Variants in CREG2 observed in about 807,000 individuals in gnomAD.
CREG2 encodes the protein cellular repressor of E1A stimulated genes 2.
Under a neutral mutation model 26.2 loss-of-function variants are expected in CREG2, and 24 were observed. That is an observed-to-expected ratio of 0.92 (90% CI 0.66 to 1.29). The LOEUF (loss-of-function observed/expected upper bound fraction) is 1.29, where lower values mean the gene tolerates loss of function less well. Ranked by LOEUF, CREG2 falls within the 50% of genes most tolerant of loss-of-function variation. The pLI is 0.00. For synonymous variants in CREG2, 174 were observed against 169.2 expected, an observed-to-expected ratio of 1.03 and a Z score of -0.22; for missense variants, 366 against 398.6, an observed-to-expected ratio of 0.92 and a Z score of 0.70.
rs150147019 is a variant in CREG2, at chr2:101,365,902, C to A, written c.612-10536G>T. 8.7e-4 allele frequency among the ~76,000 whole-genome samples: 132 copies of A among 152,304 alleles called. 2 individuals carry two copies. Among genetic ancestry groups the A allele is most frequent in the African/African-American group, 3.1e-3 (130 of 41,554 alleles). ...AGAGTTCAGATAAAACCCCGCCCTA[C>A]CAGTAGACCCTTTTGGTCATTCACC... On this transcript the variant is annotated intron_variant, in intron 2 of 3. Coordinates refer to ENST00000324768, the MANE Select transcript of CREG2 (RefSeq NM_153836.4).
chr2:101,369,162 TG>T (rs1323098117), intron 2 of CREG2, among the ~76,000 whole-genome samples: 3 of 152,218 alleles, frequency 2.0e-5, no homozygotes, highest in Non-Finnish European at 2.9e-5. Flanking sequence ...AATATCCCTC[TG>T]GCTTTAGAAT....
In CREG2 at chr2:101,370,236, T is replaced by C. The variant is rs138687521; in HGVS notation, c.611+13297A>G. On this transcript the variant is annotated intron_variant, in intron 2 of 3. Coordinates refer to ENST00000324768, the MANE Select transcript of CREG2 (RefSeq NM_153836.4). ...TCTATAACTCTTCATGTATACCATA[T>C]ACTGTTCCTCCCTTTATACATAGGA... 3.0e-3 allele frequency among the ~76,000 whole-genome samples: 455 copies of C among 152,326 alleles called. 7 individuals carry two copies. Among genetic ancestry groups the C allele is most frequent in the Non-Finnish European group, 7.3e-4 (50 of 68,034 alleles).
chr2:101,360,191 A>G (rs1413000937), intron 2 of CREG2, among the ~76,000 whole-genome samples: 2 of 152,154 alleles, frequency 1.3e-5, no homozygotes, highest in Non-Finnish European at 2.9e-5. Flanking sequence ...AAAGTCTCAC[A>G]AAGATATAAC....
chr2:101,366,771 G>A (rs1410776865), intron 2 of CREG2, among the ~76,000 whole-genome samples: 1 of 152,096 alleles, frequency 6.6e-6, no homozygotes, highest in East Asian at 1.9e-4. Context: ...GCAGTGAGCC[G>A]AGATCGCGCC....
At chr2:101,379,036 A>G (rs1312616465) in intron 2 of CREG2, among the ~76,000 whole-genome samples, 2 of 151,968 alleles carry the variant, frequency 1.3e-5, no homozygotes, top group African/African-American at 4.8e-5. Context: ...AAAAGGAGAG[A>G]TCACCAACCT....
At chr2:101,374,152 G>T (rs1473268367) in intron 2 of CREG2, among the ~76,000 whole-genome samples, 1 of 152,230 alleles carries the variant, frequency 6.6e-6, no homozygotes, top group Non-Finnish European at 1.5e-5. Context: ...CGAGGTGGGT[G>T]GATCACTTGA....
Position 101,387,284 on chromosome 2 carries a change from A to G in CREG2, c.174T>C (p.Ala58=). ...EELDSASTEE[A]MPALLEDSGS... Reference sequence around the variant, plus strand: ...CCGAATCCTCTAGCAGCGCGGGCATAGCCTCCTCAGTGGAGGCGCTGTCCA... The same window carrying G: ...CCGAATCCTCTAGCAGCGCGGGCATGGCCTCCTCAGTGGAGGCGCTGTCCA... Residue 58 remains alanine (A), a synonymous_variant, in exon 1 of 4, where the codon GCT becomes GCC. Transcript: ENST00000324768. The surrounding 1 kb of genome is among the most constrained non-coding windows in gnomAD (Gnocchi z 4.7). 3 of 1,483,754 alleles carry G rather than the reference A, an allele frequency of 2.0e-6. No individual in the cohort carries two copies. Among genetic ancestry groups the G allele is most frequent in the South Asian group, 1.3e-5 (1 of 77,196 alleles). 91.9% of individuals were successfully genotyped at this position (1,483,754 alleles called of 1,614,324 possible).
Position 101,377,594 on chromosome 2 carries a change from G to A in CREG2, c.611+5939C>T, listed in dbSNP as rs183229899. ...AAATTCATTTGGTCAAGGGGCATGC[G>A]TCCATGCTTATGCCATGGAGGGAGA... is the stretch of plus-strand genomic sequence containing the variant. On this transcript the variant is annotated intron_variant, in intron 2 of 3. Coordinates refer to ENST00000324768, the MANE Select transcript of CREG2 (RefSeq NM_153836.4). 1.6e-4 allele frequency among the ~76,000 whole-genome samples: 25 copies of A among 152,290 alleles called. 1 individual carries two copies. The highest frequency in any genetic ancestry group is 4.1e-4 in the South Asian group (2 of 4,828).
chr2:101,364,829 G>C (rs1684596887), intron 2 of CREG2, among the ~76,000 whole-genome samples: 2 of 152,130 alleles, frequency 1.3e-5, no homozygotes, highest in Admixed American at 1.3e-4. Flanking sequence ...GGTGTAGGTG[G>C]TCTCAGGGCA....
intron 3 of CREG2, among the ~76,000 whole-genome samples, chr2:101,353,581 A>G (rs1294005542): frequency 6.6e-6 from 1 of 152,256 alleles, no homozygotes; most frequent in Non-Finnish European, 1.5e-5. Context: ...CTAGAACCAG[A>G]AATATCATTT....
In CREG2 at chr2:101,350,680, T is replaced by C; in HGVS notation, c.*243A>G. The C allele has an allele frequency of 4.4e-6, 2 of 459,170 alleles. No homozygotes were observed. Among genetic ancestry groups the C allele is most frequent in the South Asian group, 7.8e-5 (2 of 25,784 alleles). 28.4% of individuals were successfully genotyped at this position (459,170 alleles called of 1,614,324 possible). A position where few individuals can be genotyped will look rare whatever the true frequency, so the allele number is the denominator to read the frequency against. ...TGATTTCTGAATCGATGAGTCTGGA[T>C]TGAATACAATGGAATAAAGACTATC... On this transcript the variant is annotated 3_prime_UTR_variant, in exon 4 of 4. Coordinates refer to ENST00000324768, the MANE Select transcript of CREG2 (RefSeq NM_153836.4).
rs1034865892 is a variant in CREG2, at chr2:101,350,685, T to C, written c.*238A>G. 1.7e-5 allele frequency: 8 copies of C among 480,196 alleles called. No individual in the cohort carries two copies. Among genetic ancestry groups the C allele is most frequent in the African/African-American group, 1.4e-4 (7 of 51,724 alleles). 29.7% of individuals were successfully genotyped at this position (480,196 alleles called of 1,614,324 possible). On this transcript the variant is annotated 3_prime_UTR_variant, in exon 4 of 4. Transcript: ENST00000324768. ...TCTGAATCGATGAGTCTGGATTGAA[T>C]ACAATGGAATAAAGACTATCTACGT...
intron 1 of CREG2, 66 bp downstream of exon 1, chr2:101,386,951 C>G (rs1006053784): frequency 1.1e-4 from 141 of 1,226,582 alleles, no homozygotes; most frequent in Non-Finnish European, 1.4e-4. Context: ...CGAGCACGTC[C>G]CTGTCCCCGT....
chr2:101,376,262 G>T (rs1029564832), intron 2 of CREG2, among the ~76,000 whole-genome samples: 1 of 137,442 alleles, frequency 7.3e-6, no homozygotes, highest in Non-Finnish European at 1.5e-5. Context: ...GTTATTTTCC[G>T]AATTTAATTT....
intron 2 of CREG2, among the ~76,000 whole-genome samples, chr2:101,373,705 G>A (rs555137379): frequency 1.3e-5 from 2 of 152,098 alleles, no homozygotes; most frequent in South Asian, 2.1e-4. Context: ...CAGAGACAAA[G>A]CTCAACAGAG....
At chr2:101,380,194 G>A (rs1231873396) in intron 2 of CREG2, among the ~76,000 whole-genome samples, 1 of 152,110 alleles carries the variant, frequency 6.6e-6, no homozygotes, top group African/African-American at 2.4e-5. Flanking sequence ...GGCACCAAAG[G>A]GAGCTCTGAA....
At position 101,355,306 on chromosome 2, in the gene CREG2, C is replaced by T. The variant is rs1684439445; in HGVS notation, c.672G>A (p.Met224Ile). ...CTACTTCTTCTGGAGACACTGCGAT[C>T]ATCTGGCCAGTGAGCGTTAACTGGA... ...RCVQLTLTGQ[M>I]IAVSPEEVEF... Residue 224 changes from methionine to isoleucine, a missense_variant, in exon 3 of 4, where the codon ATG becomes ATA. Physicochemically the swap from Met to Ile is conservative, Grantham distance 10 (BLOSUM62 1). Coordinates refer to ENST00000324768, the MANE Select transcript of CREG2 (RefSeq NM_153836.4). 4 of 1,614,102 alleles carry T rather than the reference C, an allele frequency of 2.5e-6. No individual in the cohort carries two copies. The highest frequency in any genetic ancestry group is 1.7e-5 in the Admixed American group (1 of 60,018).
At chr2:101,382,399 C>G (rs1418187265) in intron 2 of CREG2, 1 of 776,256 alleles carries the variant, frequency 1.3e-6, no homozygotes, top group Non-Finnish European at 1.5e-6. Flanking sequence ...GCACTCCAGT[C>G]TGGGAAACAA....
At chr2:101,385,576 T>C (rs991048793) in intron 1 of CREG2, among the ~76,000 whole-genome samples, 1 of 152,360 alleles carries the variant, frequency 6.6e-6, no homozygotes, top group African/African-American at 2.4e-5. Flanking sequence ...ACCTTGTTGT[T>C]ACTTGCTCAG....
Sources: allele counts gnomAD v4.1 joint callset (sites outside exome capture counted in the v4.1 genomes callset), GRCh38; gene constraint gnomAD v4.1.1; non-coding constraint Gnocchi (gnomAD v3.1); transcripts MANE v1.5; gene names NCBI Gene and HGNC (gene_info 2026-07-23, HGNC 2026-07-21).